The following CENPE variants were observed in gnomAD, a reference collection of about 807,000 sequenced individuals.
CENPE encodes centromere-associated protein E.
In CENPE, 145 loss-of-function variants were observed where a neutral mutation model predicts 336.1. That is an observed-to-expected ratio of 0.43 (90% CI 0.38 to 0.50). The LOEUF (loss-of-function observed/expected upper bound fraction) is 0.50, where lower values mean the gene tolerates loss of function less well. CENPE is among the 20% of genes least tolerant of loss of function. The probability of loss-of-function intolerance (pLI) is 0.00; values close to 1 mark genes in which losing one functional copy is unlikely to be tolerated. For missense variants in CENPE, 2,719 were observed against 3,023.3 expected (o/e 0.90, Z 2.36); for synonymous variants, 1,013 against 984.8 (o/e 1.03, Z -0.54).
chr4:103,123,357 G>T (rs917040936), intron 42 of CENPE, among the ~76,000 whole-genome samples: 2 of 152,110 alleles, frequency 1.3e-5, no homozygotes, highest in African/African-American at 4.8e-5. Context: ...TCACTTGATA[G>T]CCACCCTGAT....
At position 103,143,304 on chromosome 4, in the gene CENPE, C is replaced by CAT; in HGVS notation, c.5246_5247dup (p.Glu1750MetfsTer10). 6.2e-7 allele frequency: 1 copy of CAT among 1,607,216 alleles called. No homozygotes were observed. Among genetic ancestry groups the CAT allele is most frequent in the Non-Finnish European group, 8.5e-7 (1 of 1,174,584 alleles). ...AAGTCCTTTTGCATATTTGATATTT[C>CAT]ATTTGTTTTCTCTGAAACAATCCCT... On this transcript the variant is annotated frameshift_variant, in exon 34 of 49. Coordinates refer to ENST00000265148, the MANE Select transcript of CENPE (RefSeq NM_001813.3). LOFTEE classifies it high-confidence loss of function.
intron 46 of CENPE, among the ~76,000 whole-genome samples, chr4:103,112,251 T>C (rs1009808276): frequency 3.4e-5 from 5 of 147,874 alleles, no homozygotes; most frequent in African/African-American, 1.2e-4. Flanking sequence ...ATATATAATA[T>C]ATATTGCATA....
intron 40 of CENPE, among the ~76,000 whole-genome samples, chr4:103,135,722 A>G (rs1356761275): frequency 6.6e-6 from 1 of 151,642 alleles, no homozygotes; most frequent in African/African-American, 2.4e-5. Context: ...TACCACCACC[A>G]CTTAAAACAA....
chr4:103,157,773 C>G (rs936077453), intron 24 of CENPE, among the ~76,000 whole-genome samples: 1 of 151,826 alleles, frequency 6.6e-6, no homozygotes, highest in African/African-American at 2.4e-5. Context: ...CTACTATATA[C>G]TATTCCAAGC....
Position 103,110,921 on chromosome 4 carries a change from A to G in CENPE, c.7631T>C (p.Ile2544Thr). 1.9e-6 allele frequency: 3 copies of G among 1,612,680 alleles called. No homozygotes were observed. The highest frequency in any genetic ancestry group is 8.5e-7 in the Non-Finnish European group (1 of 1,179,346). The part of the protein sequence containing the change: ...SGIVQNTKAL[I>T]LKSEHIRLEK... The stretch of plus-strand genomic sequence containing the variant: ...TAGCCTTATATGTTCACTTTTCAAA[A>G]TAAGAGCTTTTGTGTTTTGTACAAT... Residue 2544 changes from isoleucine (I) to threonine (T), a missense_variant, in exon 47 of 49, where the codon ATT becomes ACT. Transcript: ENST00000265148.
chr4:103,133,928 A>C (rs765364820), intron 40 of CENPE, 36 bp from the exon 41 acceptor site: 1 of 1,384,710 alleles, frequency 7.2e-7, no homozygotes, highest in African/African-American at 1.4e-5. Context: ...GGTAAATGAA[A>C]ATTTTGTCAC....
intron 48 of CENPE, among the ~76,000 whole-genome samples, 184 bp from the exon 49 acceptor site, chr4:103,106,500 C>T (rs921213889): frequency 1.3e-5 from 2 of 152,182 alleles, no homozygotes; most frequent in African/African-American, 4.8e-5. Flanking sequence ...GTTTACTCCC[C>T]ATTTTGTCCT....
Position 103,188,323 on chromosome 4 carries a change from C to A in CENPE, c.694-2462G>T, listed in dbSNP as rs1375709092. On this transcript the variant is annotated intron_variant, in intron 8 of 48. Coordinates refer to ENST00000265148, the MANE Select transcript of CENPE (RefSeq NM_001813.3). ...ATAGACATCTATAGAACTCTCCACC[C>A]CAAATCAACAGAATATACATTCTTC... Among the ~76,000 whole-genome samples the A allele has an allele frequency of 3.9e-5, 6 of 152,162 alleles. No homozygotes were observed. The East Asian group carries it at 7.7e-4, about 20-fold the overall frequency.
chr4:103,188,765 T>C (rs1414314121), intron 8 of CENPE, among the ~76,000 whole-genome samples: 2 of 152,068 alleles, frequency 1.3e-5, no homozygotes, highest in African/African-American at 4.8e-5. Context: ...ATTCAAAAGC[T>C]AGCAGACGGC....
Position 103,159,297 on chromosome 4 carries a change from T to A in CENPE, c.2314A>T (p.Ile772Leu). 1.3e-6 allele frequency: 2 copies of A among 1,542,086 alleles called. No individual in the cohort carries two copies. The highest frequency in any genetic ancestry group is 1.7e-6 in the Non-Finnish European group (2 of 1,144,958). The change falls in exon 22 of 49, where the codon ATA becomes TTA. Residue 772 changes from isoleucine (I) to leucine (L), a missense_variant. Around this residue, in one of 5 missense-constraint regions of CENPE, gnomAD observed 2,437 missense variants for 2,513.3 expected, o/e 0.97. Coordinates refer to ENST00000265148, the MANE Select transcript of CENPE (RefSeq NM_001813.3). ...AATTTATCTTTTTCTGATGTTATTA[T>A]ATGGAGCTCTTCAGATTTGTCTTGT... Reference protein sequence around the residue: ...EIQDKSEELHIITSEKDKLFS... With the variant: ...EIQDKSEELHLITSEKDKLFS...
rs751987995 is a variant in CENPE at position 103,153,195 on chromosome 4, G to A, written c.3089C>T (p.Thr1030Ile). ...DLEAKNTQTL[T>I]ADVKDNEIIE... The stretch of plus-strand genomic sequence containing the variant: ...TATCTCATTATCCTTAACATCTGCA[G>A]TTAGTGTTTGGGTATTTTTAGCTTC... Residue 1030 changes from threonine (T) to isoleucine (I), a missense_variant, in exon 25 of 49, where the codon ACT becomes ATT. Thr to Ile is a moderately conservative substitution (Grantham distance 89, BLOSUM62 -1). Coordinates refer to ENST00000265148, the MANE Select transcript of CENPE (RefSeq NM_001813.3). The A allele has an allele frequency of 1.8e-5, 29 of 1,612,780 alleles. No individual in the cohort carries two copies. In the South Asian group the frequency reaches 3.2e-4, roughly 18 times the overall value.
chr4:103,128,090 T>C (rs1428754509), intron 42 of CENPE, among the ~76,000 whole-genome samples: 1 of 152,134 alleles, frequency 6.6e-6, no homozygotes, highest in Admixed American at 6.5e-5. Flanking sequence ...AGATACACCA[T>C]GTTAAAACTA....
At chr4:103,144,650 G>C in intron 32 of CENPE, 32 bp from the exon 33 acceptor site, 1 of 1,482,734 alleles carries the variant, frequency 6.7e-7, no homozygotes, top group Non-Finnish European at 9.1e-7. Context: ...TTACAACATA[G>C]GCAGAATTTT....
intron 42 of CENPE, among the ~76,000 whole-genome samples, chr4:103,128,359 C>G (rs72944933): frequency 6.6e-6 from 1 of 152,094 alleles, no homozygotes; most frequent in Admixed American, 6.5e-5. Context: ...TGAACAGATC[C>G]ACCAGGCAGA....
rs1330523593 is a variant in CENPE, at chr4:103,176,027, ACAT to A, written c.1409_1411del (p.Asp470del). 1.2e-6 allele frequency: 2 copies of A among 1,603,514 alleles called. No individual in the cohort carries two copies. The highest frequency in any genetic ancestry group is 1.7e-6 in the Non-Finnish European group (2 of 1,174,878). Reference sequence around the variant, plus strand: ...TAATGTATCAAGAGTGTTACTGAAAACATCAGACTCTGAACAGACAGCTATAAT... The same window carrying A: ...TAATGTATCAAGAGTGTTACTGAAAACAGACTCTGAACAGACAGCTATAAT... On this transcript the variant is annotated inframe_deletion, in exon 15 of 49. Transcript: ENST00000265148.
intron 27 of CENPE, 35 bp downstream of exon 27, chr4:103,149,083 A>G (rs1560630988): frequency 1.3e-6 from 2 of 1,580,934 alleles, no homozygotes; most frequent in African/African-American, 2.7e-5. Context: ...TTTAAAAGAA[A>G]CACTTAATAG....
At chr4:103,170,820 G>A (rs1369470645) in intron 16 of CENPE, among the ~76,000 whole-genome samples, 1 of 152,112 alleles carries the variant, frequency 6.6e-6, no homozygotes, top group Non-Finnish European at 1.5e-5. Context: ...GATACAAATA[G>A]ATGGAAAGGA....
intron 46 of CENPE, among the ~76,000 whole-genome samples, chr4:103,112,159 CAT>C (rs144483876): frequency 1.5e-3 from 231 of 150,220 alleles, no homozygotes; most frequent in African/African-American, 5.4e-3. Flanking sequence ...TGTGCACATG[CAT>C]ATATATGTGT....
chr4:103,191,654 G>T (rs191937258), intron 8 of CENPE, among the ~76,000 whole-genome samples: 1 of 144,782 alleles, frequency 6.9e-6, no homozygotes, highest in African/African-American at 2.6e-5. Context: ...GTTGTGGGGT[G>T]GGGGGAGGGG....
Sources: allele counts gnomAD v4.1 joint callset (sites outside exome capture counted in the v4.1 genomes callset), GRCh38; gene constraint gnomAD v4.1.1; regional missense constraint gnomAD v4.1.1; transcripts MANE v1.5; gene names NCBI Gene and HGNC (gene_info 2026-07-23, HGNC 2026-07-21).